The following C2CD5 variants were observed in gnomAD, a reference collection of about 807,000 sequenced individuals.
The protein encoded by C2CD5 is C2 domain-containing protein 5.
Under a neutral mutation model 130.3 loss-of-function variants are expected in C2CD5, and 109 were observed. The observed-to-expected ratio is 0.84, with a 90% confidence interval of 0.72 to 0.98. C2CD5 has a LOEUF of 0.98. Ranked by LOEUF, C2CD5 falls within the 50% of genes least tolerant of loss-of-function variation. The pLI is 0.00. For synonymous variants in C2CD5, 454 were observed against 429.2 expected, an observed-to-expected ratio of 1.06 and a Z score of -0.71; for missense variants, 996 against 1,261.8, an observed-to-expected ratio of 0.79 and a Z score of 3.19.
At chr12:22,494,268 G>GAA in intron 10 of C2CD5, among the ~76,000 whole-genome samples, 1 of 149,680 alleles carries the variant, frequency 6.7e-6, no homozygotes, top group South Asian at 2.1e-4. Flanking sequence ...ACTTGAGATA[G>GAA]AAAAAAAAAT....
chr12:22,527,847 G>GA lies in C2CD5; in HGVS notation c.222dup (p.Leu75SerfsTer2). 6.2e-7 allele frequency: 1 copy of GA among 1,611,218 alleles called. No individual in the cohort carries two copies. Among genetic ancestry groups the GA allele is most frequent in the Non-Finnish European group, 8.5e-7 (1 of 1,178,042 alleles). On this transcript the variant is annotated frameshift_variant, in exon 4 of 27. Coordinates refer to ENST00000446597, the MANE Select transcript of C2CD5 (RefSeq NM_001286176.2). LOFTEE classifies it high-confidence loss of function. ...TTTGCACTGTAAGTATCATGGTCAA[G>GA]AACTGTGATCTGTAAAGGTTCATCT...
At chr12:22,494,701 T>A (rs1162483724) in intron 10 of C2CD5, among the ~76,000 whole-genome samples, 1 of 151,990 alleles carries the variant, frequency 6.6e-6, no homozygotes, top group African/African-American at 2.4e-5. Context: ...GACATCAAAG[T>A]AGAAGATAAA....
At chr12:22,461,040 A>G (rs1370590854) in intron 22 of C2CD5, among the ~76,000 whole-genome samples, 1 of 152,202 alleles carries the variant, frequency 6.6e-6, no homozygotes, top group Non-Finnish European at 1.5e-5. Flanking sequence ...TCTAGATAGG[A>G]AAAGTCCTCC....
Position 22,524,601 on chromosome 12 carries a change from C to T in C2CD5, c.472G>A (p.Ala158Thr). ...CTTSIPKCYRAVIIHGFVEEL... is the reference protein window; with the variant it reads ...CTTSIPKCYRTVIIHGFVEEL... ...TCTACAAATCCATGAATTATCACAG[C>T]TCTATAGCATTTTGGAATAGACGTT... Residue 158 changes from alanine (A) to threonine (T), a missense_variant, in exon 6 of 27, where the codon GCT becomes ACT. Ala to Thr is a moderately conservative substitution (Grantham distance 58). Transcript: ENST00000446597. 1 of 1,613,214 alleles carries T rather than the reference C, an allele frequency of 6.2e-7. No individual in the cohort carries two copies. Among genetic ancestry groups the T allele is most frequent in the Non-Finnish European group, 8.5e-7 (1 of 1,179,330 alleles).
chr12:22,540,813 C>T (rs1272727409), intron 2 of C2CD5, among the ~76,000 whole-genome samples: 2 of 152,146 alleles, frequency 1.3e-5, no homozygotes, highest in Admixed American at 6.5e-5. Flanking sequence ...GAGCCAAGAT[C>T]GTGCCACTAC....
At chr12:22,504,862 C>G (rs911117280) in intron 10 of C2CD5, among the ~76,000 whole-genome samples, 5 of 152,014 alleles carry the variant, frequency 3.3e-5, no homozygotes, top group Non-Finnish European at 5.9e-5. Context: ...GATCCCAATA[C>G]ATTAAACTGG....
At chr12:22,514,824 T>A (rs1001852926) in intron 8 of C2CD5, 3 of 198,322 alleles carry the variant, frequency 1.5e-5, no homozygotes, top group Non-Finnish European at 2.7e-5. Context: ...CTCAATTATA[T>A]CCTTATAATT....
intron 9 of C2CD5, among the ~76,000 whole-genome samples, chr12:22,509,968 G>GCTGAGGTAGGTGGATCAC (rs775252278): frequency 5.9e-4 from 90 of 152,304 alleles, no homozygotes; most frequent in Non-Finnish European, 1.0e-3. Flanking sequence ...ACTTTGGGAG[G>GCTGAGGTAGGTGGATCAC]CTGAGGTAGG....
chr12:22,453,885 C>G lies in C2CD5; in HGVS notation c.3024+11G>C, dbSNP rs1167547254. The G allele has an allele frequency of 1.2e-6, 2 of 1,607,796 alleles. No individual in the cohort carries two copies. Among genetic ancestry groups the G allele is most frequent in the Non-Finnish European group, 1.7e-6 (2 of 1,176,208 alleles). On this transcript the variant is annotated intron_variant, in intron 26 of 26. Transcript: ENST00000446597. ...GTTCCCGCCAATCAGGAATTTTTAA[C>G]TGCATCTTACCTGGTTTTTATTTGG...
chr12:22,458,472 A>AGG lies in C2CD5; in HGVS notation c.2686+11_2686+12insCC. The AGG allele has an allele frequency of 1.7e-6, 2 of 1,187,210 alleles. No individual in the cohort carries two copies. The highest frequency in any genetic ancestry group is 2.1e-6 in the Non-Finnish European group (2 of 936,124). The allele number at this position is 1,187,210 out of a possible 1,614,324, so 73.5% of individuals were successfully genotyped here. Reference sequence around the variant, plus strand: ...CTCAGATTATCATAATGTGGTAGAAACATCCGCCTACTTGTCTTAATTGAT... The same window carrying AGG: ...CTCAGATTATCATAATGTGGTAGAAAGGCATCCGCCTACTTGTCTTAATTGAT... On this transcript the variant is annotated intron_variant, in intron 24 of 26. Transcript: ENST00000446597.
intron 14 of C2CD5, 145 bp from the exon 15 acceptor site, chr12:22,478,622 G>C: frequency 3.1e-6 from 2 of 635,004 alleles, no homozygotes; most frequent in South Asian, 1.9e-5. Flanking sequence ...AAGGCGGGCA[G>C]ATCACTTGAG....
chr12:22,543,341 C>A (rs1285386401), intron 2 of C2CD5, among the ~76,000 whole-genome samples: 2 of 152,220 alleles, frequency 1.3e-5, no homozygotes, highest in East Asian at 3.8e-4. Context: ...AGCAATTTTG[C>A]AATTTAAGTC....
Position 22,506,821 on chromosome 12 carries a change from T to C in C2CD5, c.1039-2A>G. 6.5e-7 allele frequency: 1 copy of C among 1,545,104 alleles called. No homozygotes were observed. Among genetic ancestry groups the C allele is most frequent in the Non-Finnish European group, 9.0e-7 (1 of 1,117,298 alleles). On this transcript the variant is annotated splice_acceptor_variant, in intron 9 of 26. Coordinates refer to ENST00000446597, the MANE Select transcript of C2CD5 (RefSeq NM_001286176.2). LOFTEE classifies it high-confidence loss of function. ...CGTCAAGGTAAAAAATGGAAATTCC[T>C]AGTGGAAAGAATAAGGGAAAAATAC...
At position 22,518,147 on chromosome 12, in the gene C2CD5, G is replaced by T; in HGVS notation, c.801-10C>A. 1 of 1,612,986 alleles carries T rather than the reference G, an allele frequency of 6.2e-7. No homozygotes were observed. Among genetic ancestry groups the T allele is most frequent in the Non-Finnish European group, 8.5e-7 (1 of 1,179,036 alleles). ...TTCATTGAAGGGAATCCTGCCAGAAGAAGGTGGAGAAATATTAAGTAATCA... is the reference window on the plus strand; with the variant it reads ...TTCATTGAAGGGAATCCTGCCAGAATAAGGTGGAGAAATATTAAGTAATCA... On this transcript the variant is annotated splice_polypyrimidine_tract_variant and intron_variant, in intron 7 of 26. Transcript: ENST00000446597.
At chr12:22,502,690 T>C (rs1203385150) in intron 10 of C2CD5, 1 of 1,003,124 alleles carries the variant, frequency 1.0e-6, no homozygotes, top group East Asian at 2.6e-5. Context: ...TTCACTGAGC[T>C]GCCATAATTT....
At chr12:22,513,475 T>C in intron 8 of C2CD5, 96 bp from the exon 9 acceptor site, 1 of 791,860 alleles carries the variant, frequency 1.3e-6, no homozygotes, top group Non-Finnish European at 2.3e-6. Flanking sequence ...AGTTGAAATG[T>C]GATAAAATGA....
intron 3 of C2CD5, among the ~76,000 whole-genome samples, chr12:22,528,979 T>C (rs997468408): frequency 6.6e-6 from 1 of 152,204 alleles, no homozygotes; most frequent in Admixed American, 6.5e-5. Flanking sequence ...GTTTTGTTTA[T>C]TTATAAGGGG....
At chr12:22,501,710 C>T (rs547124758) in intron 10 of C2CD5, among the ~76,000 whole-genome samples, 2 of 152,194 alleles carry the variant, frequency 1.3e-5, no homozygotes, top group African/African-American at 4.8e-5. Context: ...AAATGTTGGA[C>T]TTATCATATG....
chr12:22,456,870 T>C (rs1939972965), intron 25 of C2CD5, 101 bp downstream of exon 25: 1 of 653,366 alleles, frequency 1.5e-6, no homozygotes, highest in African/African-American at 1.9e-5. Context: ...TAAATAAATA[T>C]TTGTAAGTTT....
Sources: allele counts gnomAD v4.1 joint callset (sites outside exome capture counted in the v4.1 genomes callset), GRCh38; gene constraint gnomAD v4.1.1; transcripts MANE v1.5; gene names NCBI Gene and HGNC (gene_info 2026-07-23, HGNC 2026-07-21).